Variants in PPIL3 observed in about 807,000 individuals in gnomAD.
PPIL3 encodes the protein peptidyl-prolyl cis-trans isomerase-like 3.
A neutral mutation model predicts 20.9 loss-of-function variants in PPIL3; 13 were observed. The ratio of observed to expected loss-of-function variants is 0.62; its 90% CI spans 0.40 to 0.99. PPIL3 has a LOEUF of 0.99. PPIL3 is among the 50% of genes least tolerant of loss of function. The pLI is 0.00. For missense variants in PPIL3, 170 were observed against 195.2 expected, an observed-to-expected ratio of 0.87 and a Z score of 0.77; for synonymous variants, 71 against 64.4, an observed-to-expected ratio of 1.10 and a Z score of -0.49.
At chr2:200,883,490 C>T (rs1455399719) in intron 3 of PPIL3, among the ~76,000 whole-genome samples, 4 of 151,688 alleles carry the variant, frequency 2.6e-5, no homozygotes, top group Admixed American at 6.6e-5. Flanking sequence ...CCAGGCACAG[C>T]AGCTCACACC....
intron 3 of PPIL3, among the ~76,000 whole-genome samples, chr2:200,883,247 C>A (rs2039806494): frequency 6.6e-6 from 1 of 151,186 alleles, no homozygotes; most frequent in Non-Finnish European, 1.5e-5. Context: ...AGCCACCGTG[C>A]CTGGTCTTGG....
Position 200,885,635 on chromosome 2 carries a change from C to T in PPIL3, c.78+63G>A, listed in dbSNP as rs1043385402. 18 of 1,055,760 alleles carry T rather than the reference C, an allele frequency of 1.7e-5. No homozygotes were observed. In the African/African-American group the frequency reaches 2.6e-4, roughly 15 times the overall value. The allele number at this position is 1,055,760 out of a possible 1,614,324, so 65.4% of individuals were successfully genotyped here. A position where few individuals can be genotyped will look rare whatever the true frequency, so the allele number is the denominator to read the frequency against. ...TTGTTGTTATTTAGGTTAGATTATT[C>T]AATTCCAAAGTGCTTATCTTGTTGT... On this transcript the variant is annotated intron_variant, in intron 3 of 6. Coordinates refer to ENST00000392283, the MANE Select transcript of PPIL3 (RefSeq NM_130906.3).
chr2:200,883,580 C>G (rs941778146), intron 3 of PPIL3, among the ~76,000 whole-genome samples: 1 of 151,642 alleles, frequency 6.6e-6, no homozygotes, highest in Admixed American at 6.6e-5. Flanking sequence ...ATAGTAAGAC[C>G]TCATCTCTAT....
chr2:200,881,349 T>A lies in PPIL3; in HGVS notation c.240+72A>T, dbSNP rs1413348024. 4.4e-6 allele frequency: 5 copies of A among 1,147,080 alleles called. No homozygotes were observed. The East Asian group carries it at 1.2e-4, about 28-fold the overall frequency. The allele number at this position is 1,147,080 out of a possible 1,614,324, so 71.1% of individuals were successfully genotyped here. ...GCAATGATGTTAACTTGTATCACTA[T>A]GACACATGTATCAAAGTTTCCATGC... On this transcript the variant is annotated intron_variant, in intron 5 of 6. Coordinates refer to ENST00000392283, the MANE Select transcript of PPIL3 (RefSeq NM_130906.3).
At chr2:200,878,824 T>C (rs1170566319) in intron 5 of PPIL3, among the ~76,000 whole-genome samples, 1 of 152,236 alleles carries the variant, frequency 6.6e-6, no homozygotes, top group Non-Finnish European at 1.5e-5. Flanking sequence ...AGGTTATACA[T>C]GTACATATAG....
Position 200,871,255 on chromosome 2 carries a change from C to CT in PPIL3, c.*139dup, listed in dbSNP as rs2105749883. The CT allele has an allele frequency of 1.2e-6, 1 of 841,596 alleles. No individual in the cohort carries two copies. Among genetic ancestry groups the CT allele is most frequent in the Non-Finnish European group, 1.8e-6 (1 of 570,374 alleles). 52.1% of individuals were successfully genotyped at this position (841,596 alleles called of 1,614,324 possible). A position where few individuals can be genotyped will look rare whatever the true frequency, so the allele number is the denominator to read the frequency against. On this transcript the variant is annotated 3_prime_UTR_variant, in exon 7 of 7. Transcript: ENST00000392283. ...TGGGGATAAAAGCTGTTGGGCGCCC[C>CT]TTGGTACCACCATTTCATAGAAGAT... is the stretch of plus-strand genomic sequence containing the variant.
At chr2:200,887,491 T>C in intron 2 of PPIL3, 122 bp downstream of exon 2, 1 of 591,448 alleles carries the variant, frequency 1.7e-6, no homozygotes, top group Non-Finnish European at 2.9e-6. Context: ...ATTAAGTGCT[T>C]CTATATTATA....
intron 2 of PPIL3, 42 bp downstream of exon 2, chr2:200,887,571 C>G (rs538780774): frequency 6.7e-7 from 1 of 1,487,460 alleles, no homozygotes; most frequent in Admixed American, 1.8e-5. Context: ...CTAAAAATTA[C>G]TTATAATGAA....
At chr2:200,876,534 T>C (rs2039523344) in intron 6 of PPIL3, among the ~76,000 whole-genome samples, 1 of 151,010 alleles carries the variant, frequency 6.6e-6, no homozygotes, top group Admixed American at 6.6e-5. Flanking sequence ...TTTTTTTTTT[T>C]TGAGGCAGAG....
intron 1 of PPIL3, chr2:200,888,663 C>CGAA: frequency 3.8e-6 from 1 of 261,620 alleles, no homozygotes; most frequent in South Asian, 3.5e-5. Flanking sequence ...GTAGGTGGGA[C>CGAA]TACAGGCGCG....
rs546931477 is a variant in PPIL3 at position 200,888,944 on chromosome 2, G to T, written c.-71+12C>A. On this transcript the variant is annotated intron_variant, in intron 1 of 6. Transcript: ENST00000392283. ...ATAAGTGAATGAAAGAATTAATGAC[G>T]TTACTCCATACTTGGGCTTCACCAC... 25 of 471,120 alleles carry T rather than the reference G, an allele frequency of 5.3e-5. No individual in the cohort carries two copies. The East Asian group carries it at 1.7e-3, about 31-fold the overall frequency. 29.2% of individuals were successfully genotyped at this position (471,120 alleles called of 1,614,324 possible). A position where few individuals can be genotyped will look rare whatever the true frequency, so the allele number is the denominator to read the frequency against.
chr2:200,884,586 A>C (rs1393172296), intron 3 of PPIL3, among the ~76,000 whole-genome samples: 2 of 151,244 alleles, frequency 1.3e-5, no homozygotes, highest in East Asian at 3.9e-4. Flanking sequence ...AAAATTTAAA[A>C]AAAATTAGCC....
chr2:200,882,302 A>G, intron 4 of PPIL3, 40 bp downstream of exon 4: 1 of 1,265,766 alleles, frequency 7.9e-7, no homozygotes, highest in African/African-American at 1.5e-5. Flanking sequence ...TTCATACTAT[A>G]CATTCAGTTC....
intron 5 of PPIL3, among the ~76,000 whole-genome samples, chr2:200,877,298 C>G (rs527473389): frequency 3.9e-5 from 6 of 152,258 alleles, no homozygotes; most frequent in African/African-American, 1.2e-4. Flanking sequence ...TTTAAGGGAG[C>G]AAGAAAACAT....
intron 3 of PPIL3, chr2:200,885,415 G>C (rs903619366): frequency 8.8e-6 from 3 of 340,330 alleles, no homozygotes; most frequent in African/African-American, 6.4e-5. Flanking sequence ...AAAGAAAAAA[G>C]TAATATAATG....
chr2:200,885,834 T>C, intron 2 of PPIL3, 62 bp from the exon 3 acceptor site: 1 of 996,944 alleles, frequency 1.0e-6, no homozygotes, highest in South Asian at 1.4e-5. Flanking sequence ...ATGCATTGTT[T>C]ATTTCCCTGT....
intron 3 of PPIL3, among the ~76,000 whole-genome samples, chr2:200,884,312 G>C (rs1328036032): frequency 6.6e-6 from 1 of 152,172 alleles, no homozygotes; most frequent in Non-Finnish European, 1.5e-5. Context: ...TGAGGCAGGA[G>C]AATCCCTTGG....
intron 6 of PPIL3, among the ~76,000 whole-genome samples, chr2:200,873,886 A>G (rs1490704713): frequency 6.6e-6 from 1 of 151,738 alleles, no homozygotes; most frequent in Non-Finnish European, 1.5e-5. Flanking sequence ...GGGATTCTCA[A>G]CCACTGGTAT....
Position 200,889,035 on chromosome 2 carries a change from G to A in PPIL3, c.-150C>T, listed in dbSNP as rs1466716970. The A allele has an allele frequency of 1.5e-5, 7 of 471,076 alleles. No individual in the cohort carries two copies. Among genetic ancestry groups the A allele is most frequent in the Non-Finnish European group, 3.1e-5 (7 of 227,076 alleles). The allele number at this position is 471,076 out of a possible 1,614,324, so 29.2% of individuals were successfully genotyped here. A position where few individuals can be genotyped will look rare whatever the true frequency, so the allele number is the denominator to read the frequency against. ...TCGCAGATGCCAGCAGAGGTCTGTTGGTTCAAAATTATAGTTTCTTTGGGC... is the reference window on the plus strand; with the variant it reads ...TCGCAGATGCCAGCAGAGGTCTGTTAGTTCAAAATTATAGTTTCTTTGGGC... On this transcript the variant is annotated 5_prime_UTR_variant, in exon 1 of 7. Transcript: ENST00000392283.
Sources: gnomAD v4.1 joint callset for allele counts (sites outside exome capture counted in the v4.1 genomes callset) on GRCh38, gnomAD v4.1.1 for gene constraint, MANE v1.5 for transcripts, NCBI Gene and HGNC (gene_info 2026-07-23, HGNC 2026-07-21) for gene names.